FOXRED2: variants seen among roughly 807,000 people sequenced by gnomAD.
The protein encoded by FOXRED2 is FAD-dependent oxidoreductase domain-containing protein 2.
A neutral mutation model predicts 52.5 loss-of-function variants in FOXRED2; 32 were observed. The observed-to-expected ratio is 0.61, with a 90% CI of 0.46 to 0.82. The LOEUF is 0.82. Ranked by LOEUF, FOXRED2 falls within the 40% of genes least tolerant of loss-of-function variation. The pLI is 0.00. For missense variants in FOXRED2, 848 were observed against 937.5 expected (o/e 0.90, Z 1.25); for synonymous variants, 405 against 398.1 (o/e 1.02, Z -0.21).
intron 2 of FOXRED2, among the ~76,000 whole-genome samples, chr22:36,505,134 T>C (rs1934159450): frequency 1.3e-5 from 2 of 152,200 alleles, no homozygotes; most frequent in African/African-American, 2.4e-5. Context: ...CCTGACATTC[T>C]ACTTTCCCCT....
In FOXRED2 at chr22:36,487,597, T is replaced by C. The variant is rs1279765476; in HGVS notation, c.*2411A>G. The C allele has an allele frequency of 1.3e-5, 2 of 152,230 alleles. No individual in the cohort carries two copies. Among genetic ancestry groups the C allele is most frequent in the African/African-American group, 2.4e-5 (1 of 41,450 alleles). The allele number at this position is 152,230 out of a possible 1,614,324, so 9.4% of individuals were successfully genotyped here. A position where few individuals can be genotyped will look rare whatever the true frequency, so the allele number is the denominator to read the frequency against. On this transcript the variant is annotated 3_prime_UTR_variant, in exon 9 of 9. Transcript: ENST00000397224. ...CAGGTGAGCTGAACATACTGATACA[T>C]TGGTTCTTTGGAGAGGATCTCAGAA...
At chr22:36,496,466 G>A (rs530342461) in intron 6 of FOXRED2, among the ~76,000 whole-genome samples, 12 of 152,132 alleles carry the variant, frequency 7.9e-5, no homozygotes, top group Admixed American at 7.9e-4. Context: ...TCAGGAAAAA[G>A]CCCTGAGGAG....
chr22:36,506,662 C>G (rs753928617), intron 1 of FOXRED2: 123 of 449,612 alleles, frequency 2.7e-4, no homozygotes, highest in Non-Finnish European at 3.4e-4. Context: ...TCAGGGGCAC[C>G]GGCTCCCCGC....
chr22:36,490,039 TGAGCCAGAGGCCCTG>T lies in FOXRED2; in HGVS notation c.2009_2023del (p.Pro670_Ala674del). 6.2e-7 allele frequency: 1 copy of T among 1,604,384 alleles called. No homozygotes were observed. The highest frequency in any genetic ancestry group is 1.7e-5 in the Admixed American group (1 of 58,906). On this transcript the variant is annotated inframe_deletion, in exon 9 of 9. Transcript: ENST00000397224. Reference sequence around the variant, plus strand: ...CTCCTCTTTGTTGCTATCGACGGACTGAGCCAGAGGCCCTGGAGCCAGGGGGGAACCTAGTGGCTC... The same window carrying T: ...CTCCTCTTTGTTGCTATCGACGGACTGAGCCAGGGGGGAACCTAGTGGCTC...
rs1307321533 is a variant in FOXRED2 at position 36,493,505 on chromosome 22, T to G, written c.1795+128A>C. 16 of 679,492 alleles carry G rather than the reference T, an allele frequency of 2.4e-5. No individual in the cohort carries two copies. In the African/African-American group the frequency reaches 2.7e-4, roughly 11 times the overall value. The allele number at this position is 679,492 out of a possible 1,614,324, so 42.1% of individuals were successfully genotyped here. A position where few individuals can be genotyped will look rare whatever the true frequency, so the allele number is the denominator to read the frequency against. On this transcript the variant is annotated intron_variant, in intron 8 of 8. Coordinates refer to ENST00000397224, the MANE Select transcript of FOXRED2 (RefSeq NM_001102371.2). ...TGAGTTGTAATTTAACCCACGGCAT[T>G]GTCGGGAACAGTAGTCTGGGGTTTG...
chr22:36,493,895 C>T (rs1472318679), intron 7 of FOXRED2, 92 bp from the exon 8 acceptor site: 2 of 1,132,840 alleles, frequency 1.8e-6, no homozygotes, highest in South Asian at 1.5e-5. Flanking sequence ...ACAGCCCAAA[C>T]ACTTCCCTCG....
chr22:36,495,850 G>A (rs969559554), intron 7 of FOXRED2, 117 bp downstream of exon 7: 7 of 1,172,978 alleles, frequency 6.0e-6, no homozygotes, highest in Middle Eastern at 2.0e-4. Context: ...GCAGAGTCCC[G>A]CAGCCATCCC....
intron 6 of FOXRED2, 31 bp downstream of exon 6, chr22:36,497,960 G>A (rs764088084): frequency 2.1e-5 from 33 of 1,599,670 alleles, no homozygotes; most frequent in Admixed American, 3.4e-5. Flanking sequence ...AAGCTGGGCC[G>A]AGGGGAGTAG....
chr22:36,497,654 G>A (rs967154929), intron 6 of FOXRED2, among the ~76,000 whole-genome samples: 1 of 152,218 alleles, frequency 6.6e-6, no homozygotes, highest in Non-Finnish European at 1.5e-5. Flanking sequence ...TGAGATCCAC[G>A]TGGCTGCCTC....
intron 5 of FOXRED2, among the ~76,000 whole-genome samples, chr22:36,499,831 C>T (rs1475189752): frequency 6.6e-6 from 1 of 152,054 alleles, no homozygotes; most frequent in Non-Finnish European, 1.5e-5. Context: ...GACAGAGTTT[C>T]ACTCTTTTTG....
At position 36,506,436 on chromosome 22, in the gene FOXRED2, A is replaced by G. The variant is rs1259595439; in HGVS notation, c.-1-13T>C. ...GGAGAGGCCCATCCTGCAGCAGATCAGAGGGGTAAGGCCTCGCACCCGGCC... is the reference window on the plus strand; with the variant it reads ...GGAGAGGCCCATCCTGCAGCAGATCGGAGGGGTAAGGCCTCGCACCCGGCC... On this transcript the variant is annotated splice_polypyrimidine_tract_variant and intron_variant, in intron 1 of 8. Coordinates refer to ENST00000397224, the MANE Select transcript of FOXRED2 (RefSeq NM_001102371.2). 7.0e-7 allele frequency: 1 copy of G among 1,431,138 alleles called. No individual in the cohort carries two copies. The highest frequency in any genetic ancestry group is 2.5e-5 in the East Asian group (1 of 39,646). 88.7% of individuals were successfully genotyped at this position (1,431,138 alleles called of 1,614,324 possible). A position where few individuals can be genotyped will look rare whatever the true frequency, so the allele number is the denominator to read the frequency against.
At chr22:36,498,251 G>A (rs991605094) in intron 5 of FOXRED2, 95 bp from the exon 6 acceptor site, 83 of 1,425,392 alleles carry the variant, frequency 5.8e-5, no homozygotes, top group Non-Finnish European at 5.9e-5. Context: ...CCCTGAGAAC[G>A]CCATACACAC....
At chr22:36,506,969 G>C (rs1934217702) in intron 1 of FOXRED2, 40 bp downstream of exon 1, 1 of 152,606 alleles carries the variant, frequency 6.6e-6, no homozygotes, top group African/African-American at 2.4e-5. Context: ...CGCAGCTCCG[G>C]CCTCCCCGCC....
chr22:36,502,960 G>A (rs1281328250), intron 4 of FOXRED2, among the ~76,000 whole-genome samples: 1 of 151,838 alleles, frequency 6.6e-6, no homozygotes, highest in Non-Finnish European at 1.5e-5. Context: ...CCAAAGTGCT[G>A]GGATTACAGC....
At chr22:36,504,001 GCT>G in intron 4 of FOXRED2, 95 bp downstream of exon 4, 2 of 1,300,056 alleles carry the variant, frequency 1.5e-6, no homozygotes, top group Non-Finnish European at 2.2e-6. Context: ...TGTCCTGAGA[GCT>G]CTGTCGCCAG....
rs200348211 is a variant in FOXRED2, at chr22:36,493,754, C to T, written c.1674G>A (p.Thr558=). ...RPAHWPLPRP[T]AIHHIVEDFL... ...AGTCTTCCACGATGTGATGGATGGCCGTGGGCCGAGGCAGGGGCCAGTGTG... is the reference window on the plus strand; with the variant it reads ...AGTCTTCCACGATGTGATGGATGGCTGTGGGCCGAGGCAGGGGCCAGTGTG... The change falls in exon 8 of 9, where the codon ACG becomes ACA. Residue 558 remains threonine, a synonymous_variant. Coordinates refer to ENST00000397224, the MANE Select transcript of FOXRED2 (RefSeq NM_001102371.2). 274 of 1,614,200 alleles carry T rather than the reference C, an allele frequency of 1.7e-4. 1 individual carries two copies. In the East Asian group the frequency reaches 5.6e-3, roughly 33 times the overall value.
chr22:36,493,886 C>G, intron 7 of FOXRED2, 83 bp from the exon 8 acceptor site: 1 of 1,198,576 alleles, frequency 8.3e-7, no homozygotes, highest in Non-Finnish European at 1.2e-6. Context: ...GGATCCCACA[C>G]AGCCCAAACA....
In FOXRED2 at chr22:36,506,321, G is replaced by A. The variant is rs1195212623; in HGVS notation, c.102C>T (p.Cys34=). The A allele has an allele frequency of 6.5e-7, 1 of 1,531,646 alleles. No individual in the cohort carries two copies. The highest frequency in any genetic ancestry group is 8.8e-7 in the Non-Finnish European group (1 of 1,142,488). 94.9% of individuals were successfully genotyped at this position (1,531,646 alleles called of 1,614,324 possible). A position where few individuals can be genotyped will look rare whatever the true frequency, so the allele number is the denominator to read the frequency against. ...GGCCCGCGGGCCCAGCGCCCAGCAC[G>A]CAGTAGTCCCGGCGCGGGGGCACCG... ...ALSVPPRRDY[C]VLGAGPAGLQ... is the part of the protein sequence containing the mutation. Residue 34 remains cysteine (C), a synonymous_variant, in exon 2 of 9, where the codon TGC becomes TGT. Transcript: ENST00000397224.
chr22:36,490,954 G>C (rs1376802313), intron 8 of FOXRED2, among the ~76,000 whole-genome samples: 1 of 152,170 alleles, frequency 6.6e-6, no homozygotes, highest in Non-Finnish European at 1.5e-5. Flanking sequence ...TTAGGACTTC[G>C]AGACCAGCCT....
Sources: gnomAD v4.1 joint callset for allele counts (sites outside exome capture counted in the v4.1 genomes callset) on GRCh38, gnomAD v4.1.1 for gene constraint, MANE v1.5 for transcripts, NCBI Gene and HGNC (gene_info 2026-07-23, HGNC 2026-07-21) for gene names.